Variants in KEL observed in about 807,000 individuals in gnomAD.
The protein encoded by KEL is Kell metallo-endopeptidase (Kell blood group).
In KEL, 96 loss-of-function variants were observed where a neutral mutation model predicts 99.5. The ratio of observed to expected loss-of-function variants is 0.97; its 90% CI spans 0.82 to 1.14. The LOEUF is 1.14. Ranked by LOEUF, KEL falls within the 50% of genes most tolerant of loss-of-function variation. KEL has a pLI of 0.00. For synonymous variants in KEL, 355 were observed against 354.8 expected (o/e 1.00, Z -0.01); for missense variants, 926 against 924.2 (o/e 1.00, Z -0.03).
Position 142,953,911 on chromosome 7 carries a change from A to G in KEL, c.970T>C (p.Phe324Leu). ...GAAGGGCTCAGGGACATCGGTGTGA[A>G]TGTCGCTTGCAAGCAGGACAACCAG... ...IDWLSCLQAT[F>L]TPMSLSPSQS... Residue 324 changes from phenylalanine (F) to leucine (L), a missense_variant, in exon 9 of 19, where the codon TTC (phenylalanine) becomes CTC (leucine). Phe to Leu is a conservative substitution (Grantham distance 22, BLOSUM62 0). Coordinates refer to ENST00000355265, the MANE Select transcript of KEL (RefSeq NM_000420.3). 6.2e-7 allele frequency: 1 copy of G among 1,614,174 alleles called. No homozygotes were observed. The highest frequency in any genetic ancestry group is 8.5e-7 in the Non-Finnish European group (1 of 1,180,030).
chr7:142,943,541 C>T lies in KEL; in HGVS notation c.1648G>A (p.Val550Ile), dbSNP rs370556269. Residue 550 changes from valine (V) to isoleucine (I), a missense_variant, in exon 15 of 19, where the codon GTA becomes ATA. Physicochemically the swap from Val to Ile is conservative, Grantham distance 29. Coordinates refer to ENST00000355265, the MANE Select transcript of KEL (RefSeq NM_000420.3). The part of the protein sequence containing the change: ...NAYYSVSDHV[V>I]VFPAGLLQPP... Reference sequence around the variant, plus strand: ...TGGAGGAGTCCAGCTGGAAAGACTACCACATGGTCAGATACCGAATAGTAA... The same window carrying T: ...TGGAGGAGTCCAGCTGGAAAGACTATCACATGGTCAGATACCGAATAGTAA... The T allele has an allele frequency of 5.0e-6, 8 of 1,614,078 alleles. No homozygotes were observed. The African/African-American group carries it at 6.7e-5, about 13-fold the overall frequency.
chr7:142,961,621 C>A, intron 2 of KEL, 120 bp from the exon 3 acceptor site: 1 of 1,377,972 alleles, frequency 7.3e-7, no homozygotes, highest in Non-Finnish European at 1.0e-6. Context: ...AATAATTATC[C>A]CAATTCTTCC....
At chr7:142,959,309 T>C (rs1007206034) in intron 4 of KEL, among the ~76,000 whole-genome samples, 1 of 151,402 alleles carries the variant, frequency 6.6e-6, no homozygotes, top group South Asian at 2.1e-4. Context: ...GGAATAGAGA[T>C]GAGGAAAATA....
At position 142,961,027 on chromosome 7, in the gene KEL, T is replaced by C. The variant is rs1370268144; in HGVS notation, c.301A>G (p.Thr101Ala). The part of the protein sequence containing the change: ...ASGNTSVAPC[T>A]DFFSFACGRA... Reference sequence around the variant, plus strand: ...CCACAGGCAAAGCTGAAGAAGTCGGTGCAGGGGGCCACACTTGTGTTCCCA... The same window carrying C: ...CCACAGGCAAAGCTGAAGAAGTCGGCGCAGGGGGCCACACTTGTGTTCCCA... The change falls in exon 4 of 19, where the codon ACC (threonine) becomes GCC (alanine). Residue 101 changes from threonine to alanine, a missense_variant. Thr to Ala is a moderately conservative substitution (Grantham distance 58). Transcript: ENST00000355265. 2 of 1,614,180 alleles carry C rather than the reference T, an allele frequency of 1.2e-6. No homozygotes were observed. The highest frequency in any genetic ancestry group is 1.1e-5 in the South Asian group (1 of 91,088).
Position 142,954,208 on chromosome 7 carries a change from CT to C in KEL, c.899del (p.Gln300ArgfsTer30), listed in dbSNP as rs1324826344. On this transcript the variant is annotated frameshift_variant, in exon 8 of 19. Coordinates refer to ENST00000355265, the MANE Select transcript of KEL (RefSeq NM_000420.3). LOFTEE classifies it high-confidence loss of function. ...EQRRAQGKLF[Q>X]MVTIDQLKEM... ...CCTTGAGCTGGTCGATAGTGACCATCTGGAAGAGCTTGCCCTGTGCCCGCCG... is the reference window on the plus strand; with the variant it reads ...CCTTGAGCTGGTCGATAGTGACCATCGGAAGAGCTTGCCCTGTGCCCGCCG... 6.2e-7 allele frequency: 1 copy of C among 1,611,998 alleles called. No individual in the cohort carries two copies. The highest frequency in any genetic ancestry group is 1.7e-5 in the Admixed American group (1 of 60,030).
At chr7:142,950,404 G>C (rs1029257315) in intron 10 of KEL, among the ~76,000 whole-genome samples, 1 of 152,146 alleles carries the variant, frequency 6.6e-6, no homozygotes, top group Non-Finnish European at 1.5e-5. Flanking sequence ...AGCAAGCCTA[G>C]TCTTCTCCTC....
Position 142,954,439 on chromosome 7 carries a change from G to A in KEL, c.735+26C>T. 2.5e-6 allele frequency: 4 copies of A among 1,612,198 alleles called. No homozygotes were observed. The South Asian group carries it at 4.4e-5, about 18-fold the overall frequency. ...GCTTTTCTCCTGGCCTCAGAGGGCAGGGCCTTTGTCCATGTGCCATCTTAC... is the reference window on the plus strand; with the variant it reads ...GCTTTTCTCCTGGCCTCAGAGGGCAAGGCCTTTGTCCATGTGCCATCTTAC... On this transcript the variant is annotated intron_variant, in intron 7 of 18. Coordinates refer to ENST00000355265, the MANE Select transcript of KEL (RefSeq NM_000420.3).
chr7:142,944,191 C>A, intron 13 of KEL, 132 bp downstream of exon 13: 2 of 807,120 alleles, frequency 2.5e-6, no homozygotes, highest in Non-Finnish European at 4.4e-6. Context: ...CCCATCAACC[C>A]CAGCCAGCAC....
At chr7:142,948,079 C>T (rs1167918772) in intron 10 of KEL, among the ~76,000 whole-genome samples, 1 of 147,872 alleles carries the variant, frequency 6.8e-6, no homozygotes, top group African/African-American at 2.5e-5. Flanking sequence ...GCCTATTCTT[C>T]TCACCCCTTC....
At position 142,941,275 on chromosome 7, in the gene KEL, A is replaced by C. The variant is rs8176048; in HGVS notation, c.2176T>G (p.Ser726Ala). 85 of 1,613,414 alleles carry C rather than the reference A, an allele frequency of 5.3e-5. No homozygotes were observed. The African/African-American group carries it at 1.1e-3, about 20-fold the overall frequency. The change falls in exon 19 of 19, where the codon TCC becomes GCC. Residue 726 changes from serine to alanine, a missense_variant. Ser to Ala is a moderately conservative substitution (Grantham distance 99). Transcript: ENST00000355265. The stretch of plus-strand genomic sequence containing the variant: ...AGTTACCAGAGCTGGCAGCGGCTGG[A>C]GGGGTTCAAGAGAGCACCACGTGCA... ...RCARGALLNP[S>A]SRCQLW
rs1213428311 is a variant in KEL at position 142,962,334 on chromosome 7, C to G, written c.-128G>C. On this transcript the variant is annotated 5_prime_UTR_variant, in exon 1 of 19. Transcript: ENST00000355265. ...CTGGAGAAGGGGCACTTCTGCTGCTCTTTCGCCTTGTCCCCAGACACACAG... is the reference window on the plus strand; with the variant it reads ...CTGGAGAAGGGGCACTTCTGCTGCTGTTTCGCCTTGTCCCCAGACACACAG... 25 of 1,083,282 alleles carry G rather than the reference C, an allele frequency of 2.3e-5. No homozygotes were observed. The highest frequency in any genetic ancestry group is 3.4e-5 in the Non-Finnish European group (24 of 704,926). The allele number at this position is 1,083,282 out of a possible 1,614,324, so 67.1% of individuals were successfully genotyped here. A position where few individuals can be genotyped will look rare whatever the true frequency, so the allele number is the denominator to read the frequency against.
At chr7:142,942,191 G>A (rs1468883423) in intron 18 of KEL, 2 of 575,398 alleles carry the variant, frequency 3.5e-6, no homozygotes, top group East Asian at 2.8e-5. Flanking sequence ...GAGGAACTTG[G>A]GAATAGAGTT....
intron 10 of KEL, 168 bp from the exon 11 acceptor site, chr7:142,946,485 A>C (rs543211680): frequency 1.5e-6 from 1 of 650,104 alleles, no homozygotes; most frequent in East Asian, 2.7e-5. Context: ...GATCAGTACA[A>C]GAAAAGCACA....
intron 9 of KEL, chr7:142,953,393 T>C (rs1796739667): frequency 1.0e-6 from 1 of 984,836 alleles, no homozygotes; most frequent in Middle Eastern, 5.2e-4. Flanking sequence ...ACCATGTTCA[T>C]CTCCTCATCT....
In KEL at chr7:142,943,880, GTATC is replaced by G; in HGVS notation, c.1492-1_1494del. The G allele has an allele frequency of 6.2e-7, 1 of 1,613,858 alleles. No homozygotes were observed. The highest frequency in any genetic ancestry group is 8.5e-7 in the Non-Finnish European group (1 of 1,179,780). On this transcript the variant is annotated splice_acceptor_variant and coding_sequence_variant, in exon 14 of 19. Coordinates refer to ENST00000355265, the MANE Select transcript of KEL (RefSeq NM_000420.3). LOFTEE classifies it high-confidence loss of function. ...GACTGCAGGAAGCTCGATCCAAGCTGTATCTGGGGAAGAGGCAGGAGGTGACTTG... is the reference window on the plus strand; with the variant it reads ...GACTGCAGGAAGCTCGATCCAAGCTGTGGGGAAGAGGCAGGAGGTGACTTG...
At chr7:142,959,473 T>TGGGATA (rs1796904581) in intron 4 of KEL, among the ~76,000 whole-genome samples, 1 of 151,696 alleles carries the variant, frequency 6.6e-6, no homozygotes, top group Non-Finnish European at 1.5e-5. Context: ...AGGAGAAAGG[T>TGGGATA]AGCAATAAGT....
At chr7:142,942,226 G>A in intron 18 of KEL, 1 of 592,016 alleles carries the variant, frequency 1.7e-6, no homozygotes, top group Non-Finnish European at 3.0e-6. Context: ...AGTTGTGGGG[G>A]TGCTGAACTA....
intron 4 of KEL, among the ~76,000 whole-genome samples, chr7:142,960,683 A>G (rs1432915769): frequency 6.6e-6 from 1 of 152,176 alleles, no homozygotes; most frequent in Non-Finnish European, 1.5e-5. Context: ...AGGGACCAAG[A>G]GAAACGGAAG....
At chr7:142,951,839 AG>A (rs1362012459) in intron 10 of KEL, among the ~76,000 whole-genome samples, 1 of 152,134 alleles carries the variant, frequency 6.6e-6, no homozygotes. Flanking sequence ...GACTAAACTG[AG>A]GCCTTCACTG....
Sources: gnomAD v4.1 joint callset for allele counts (sites outside exome capture counted in the v4.1 genomes callset) on GRCh38, gnomAD v4.1.1 for gene constraint, MANE v1.5 for transcripts, NCBI Gene and HGNC (gene_info 2026-07-23, HGNC 2026-07-21) for gene names.